The following IL7 variants were observed in gnomAD, a reference collection of about 807,000 sequenced individuals.
IL7 encodes the protein interleukin-7.
Under a neutral mutation model 21.6 loss-of-function variants are expected in IL7, and 3 were observed. The observed-to-expected ratio is 0.14, with a 90% CI of 0.06 to 0.36. The LOEUF is 0.36. Ranked by LOEUF, IL7 falls within the 10% of genes least tolerant of loss-of-function variation. IL7 has a pLI of 1.00. For synonymous variants in IL7, 62 were observed against 68.1 expected, an observed-to-expected ratio of 0.91 and a Z score of 0.44; for missense variants, 175 against 200.2, an observed-to-expected ratio of 0.87 and a Z score of 0.76.
At chr8:78,707,909 G>T (rs1156384686) in intron 3 of IL7, among the ~76,000 whole-genome samples, 1 of 141,684 alleles carries the variant, frequency 7.1e-6, no homozygotes, top group African/African-American at 2.6e-5. Flanking sequence ...TTGCTAGATT[G>T]TAAGCTCCAT....
intron 3 of IL7, among the ~76,000 whole-genome samples, chr8:78,688,088 C>T (rs1050035985): frequency 6.6e-5 from 10 of 150,982 alleles, no homozygotes; most frequent in South Asian, 2.1e-4. Context: ...CCATACTTTG[C>T]GAAACCCTGT....
chr8:78,725,155 A>G (rs1441254857), intron 3 of IL7, among the ~76,000 whole-genome samples: 2 of 152,034 alleles, frequency 1.3e-5, no homozygotes, highest in Non-Finnish European at 2.9e-5. Context: ...GGGAGTATTC[A>G]TGTGACTTGG....
intron 3 of IL7, among the ~76,000 whole-genome samples, chr8:78,690,518 C>G (rs1810175408): frequency 6.6e-6 from 1 of 151,414 alleles, no homozygotes; most frequent in Non-Finnish European, 1.5e-5. Context: ...CTAGATCATG[C>G]CACTGCACTC....
intron 2 of IL7, among the ~76,000 whole-genome samples, chr8:78,789,641 G>A (rs2717536): frequency 0.16 from 24,931 of 152,044 alleles, 2,873 homozygotes; most frequent in African/African-American, 0.32. Context: ...GCACAGGGGA[G>A]GCAGGAAGGT....
intron 2 of IL7, among the ~76,000 whole-genome samples, chr8:78,795,106 T>C (rs1586113872): frequency 6.6e-6 from 1 of 151,980 alleles, no homozygotes. Flanking sequence ...GAAACGGAGG[T>C]AGTAAGAGTG....
At chr8:78,783,490 T>C (rs984008168) in intron 2 of IL7, among the ~76,000 whole-genome samples, 36 of 152,144 alleles carry the variant, frequency 2.4e-4, no homozygotes, top group African/African-American at 8.7e-4. Flanking sequence ...GCTGTTTTTG[T>C]TATTCTCGGT....
intron 2 of IL7, among the ~76,000 whole-genome samples, chr8:78,744,883 C>A (rs899716532): frequency 1.6e-4 from 25 of 152,162 alleles, no homozygotes; most frequent in Admixed American, 1.1e-3. Flanking sequence ...GTCACACATT[C>A]ACTCACCGAT....
chr8:78,777,833 A>G (rs1345021999), intron 2 of IL7, among the ~76,000 whole-genome samples: 1 of 152,060 alleles, frequency 6.6e-6, no homozygotes, highest in Non-Finnish European at 1.5e-5. Context: ...TTATCTTTCT[A>G]AATCCCAGAT....
chr8:78,696,939 CTTTGAGGAAG>C, intron 3 of IL7, among the ~76,000 whole-genome samples: 2 of 152,292 alleles, frequency 1.3e-5, no homozygotes. Flanking sequence ...AAAATCTTAA[CTTTGAGGAAG>C]TTTTTTCCGT....
intron 2 of IL7, among the ~76,000 whole-genome samples, chr8:78,762,584 G>C (rs998073321): frequency 5.3e-5 from 8 of 151,744 alleles, no homozygotes; most frequent in Non-Finnish European, 1.0e-4. Flanking sequence ...GAAGCCGCCG[G>C]GTTCTTTTTT....
intron 5 of IL7, among the ~76,000 whole-genome samples, chr8:78,720,821 ATTACTT>A (rs1811222755): frequency 1.3e-5 from 2 of 151,964 alleles, no homozygotes; most frequent in African/African-American, 2.4e-5. Context: ...TCCTTGAAAT[ATTACTT>A]TAATATTTCA....
Position 78,757,026 on chromosome 8 carries a change from C to A in IL7, c.148-16944G>T, listed in dbSNP as rs186525711. On this transcript the variant is annotated intron_variant, in intron 2 of 5. Transcript: ENST00000263851. Reference sequence around the variant, plus strand: ...ACTTTTTTGATGTAGATGGCTATTGCTATAACATTCCCTCTTAGCACTACT... The same window carrying A: ...ACTTTTTTGATGTAGATGGCTATTGATATAACATTCCCTCTTAGCACTACT... Among the ~76,000 whole-genome samples the A allele has an allele frequency of 7.6e-4, 115 of 151,936 alleles. 1 individual carries two copies. Among genetic ancestry groups the A allele is most frequent in the East Asian group, 3.9e-4 (2 of 5,170 alleles).
intron 3 of IL7, among the ~76,000 whole-genome samples, chr8:78,699,384 C>T (rs1365245431): frequency 6.6e-6 from 1 of 151,930 alleles, no homozygotes; most frequent in Non-Finnish European, 1.5e-5. Flanking sequence ...ACCACAGGAC[C>T]ATTAGAATGA....
intron 2 of IL7, among the ~76,000 whole-genome samples, chr8:78,750,685 A>G (rs897871910): frequency 6.6e-6 from 1 of 152,136 alleles, no homozygotes; most frequent in Non-Finnish European, 1.5e-5. Context: ...TTAGCTGGAC[A>G]TGGTGGCGGG....
chr8:78,804,275 C>CA (rs759625304), intron 1 of IL7, among the ~76,000 whole-genome samples: 3 of 152,042 alleles, frequency 2.0e-5, no homozygotes, highest in Non-Finnish European at 4.4e-5. Flanking sequence ...AAAATAACAA[C>CA]AAAAACAAAA....
chr8:78,761,037 C>G, intron 2 of IL7: 1 of 1,612,648 alleles, frequency 6.2e-7, no homozygotes, highest in Non-Finnish European at 8.5e-7. Flanking sequence ...GCTCGGCCAG[C>G]TATACAGTTA....
chr8:78,797,988 A>G lies in IL7; in HGVS notation c.147+84T>C. 4.8e-6 allele frequency: 5 copies of G among 1,039,536 alleles called. No homozygotes were observed. The South Asian group carries it at 5.5e-5, about 11-fold the overall frequency. The allele number at this position is 1,039,536 out of a possible 1,614,324, so 64.4% of individuals were successfully genotyped here. On this transcript the variant is annotated intron_variant, in intron 2 of 5. Coordinates refer to ENST00000263851, the MANE Select transcript of IL7 (RefSeq NM_000880.4). Reference sequence around the variant, plus strand: ...TTCACTTTCTTGTCAAGAAAGATGAATACTTGATTATAAAACTGCATACCA... The same window carrying G: ...TTCACTTTCTTGTCAAGAAAGATGAGTACTTGATTATAAAACTGCATACCA...
intron 5 of IL7, among the ~76,000 whole-genome samples, chr8:78,734,603 G>C (rs541738000): frequency 9.2e-5 from 14 of 152,230 alleles, no homozygotes; most frequent in Non-Finnish European, 1.8e-4. Flanking sequence ...ACTCTTCACA[G>C]TTGAGCCCAG....
chr8:78,693,754 A>G (rs1810300612), intron 3 of IL7, among the ~76,000 whole-genome samples: 2 of 152,098 alleles, frequency 1.3e-5, no homozygotes, highest in Non-Finnish European at 2.9e-5. Context: ...CCATTTGTCA[A>G]TTTTGGCTTT....
Sources: gnomAD v4.1 joint callset for allele counts (sites outside exome capture counted in the v4.1 genomes callset) on GRCh38, gnomAD v4.1.1 for gene constraint, MANE v1.5 for transcripts, NCBI Gene and HGNC (gene_info 2026-07-23, HGNC 2026-07-21) for gene names.